The following SHOC1 variants were observed in gnomAD, a reference collection of about 807,000 sequenced individuals.
SHOC1 encodes protein shortage in chiasmata 1 ortholog.
Under a neutral mutation model 179.2 loss-of-function variants are expected in SHOC1, and 136 were observed. That is an observed-to-expected ratio of 0.76 (90% CI 0.66 to 0.87). The LOEUF is 0.87. Ranked by LOEUF, SHOC1 falls within the 40% of genes least tolerant of loss-of-function variation. The pLI is 0.00. For synonymous variants in SHOC1, 489 were observed against 586.6 expected (o/e 0.83, Z 2.41); for missense variants, 1,538 against 1,700.8 (o/e 0.90, Z 1.68).
chr9:111,752,519 A>G (rs897548477), intron 8 of SHOC1, among the ~76,000 whole-genome samples: 3 of 152,216 alleles, frequency 2.0e-5, no homozygotes, highest in Non-Finnish European at 2.9e-5. Context: ...ATCAGGTGCA[A>G]TGTCAGGATA....
At position 111,714,133 on chromosome 9, in the gene SHOC1, G is replaced by A. The variant is rs140749539; in HGVS notation, c.2415+312C>T. Among the ~76,000 whole-genome samples, 446 of 152,222 alleles carry A rather than the reference G, an allele frequency of 2.9e-3. 1 individual carries two copies. Among genetic ancestry groups the A allele is most frequent in the African/African-American group, 0.01 (434 of 41,524 alleles). ...GGGCTCAAGAGATCCTCCCACCTCA[G>A]TCTCCCTAATAGGTAGAACTACAGG... On this transcript the variant is annotated intron_variant, in intron 17 of 27. Transcript: ENST00000682961.
At chr9:111,711,129 A>C (rs1318163396) in intron 18 of SHOC1, among the ~76,000 whole-genome samples, 2 of 152,162 alleles carry the variant, frequency 1.3e-5, no homozygotes, top group East Asian at 3.8e-4. Context: ...TGGTCTTCAA[A>C]GGGAGGTTCA....
rs185137183 is a variant in SHOC1, at chr9:111,698,274, A to T, written c.3183+1680T>A. Among the ~76,000 whole-genome samples the T allele has an allele frequency of 5.6e-4, 86 of 152,332 alleles. 2 individuals carry two copies. In the East Asian group the frequency reaches 0.015, roughly 26 times the overall value. ...ATTCGTGAAGTTGTTGCCCATGCCT[A>T]TGTCCTGAATGGTATTGCCTAGGTT... On this transcript the variant is annotated intron_variant, in intron 24 of 27. Coordinates refer to ENST00000682961, the MANE Select transcript of SHOC1 (RefSeq NM_001378211.1).
chr9:111,767,673 T>C (rs903774700), intron 5 of SHOC1, among the ~76,000 whole-genome samples: 4 of 152,240 alleles, frequency 2.6e-5, no homozygotes, highest in Non-Finnish European at 5.9e-5. Flanking sequence ...ATTTGGGGTC[T>C]TTTGTGATTC....
At chr9:111,753,781 C>A (rs1313854377) in intron 8 of SHOC1, among the ~76,000 whole-genome samples, 1 of 152,042 alleles carries the variant, frequency 6.6e-6, no homozygotes, top group Non-Finnish European at 1.5e-5. Context: ...TAAAAACTCT[C>A]AAAAAATTAG....
chr9:111,769,082 C>T (rs1191378956), intron 5 of SHOC1, among the ~76,000 whole-genome samples: 4 of 152,128 alleles, frequency 2.6e-5, no homozygotes, highest in Non-Finnish European at 5.9e-5. Context: ...GTTGAACCAT[C>T]CTTGCATCCC....
intron 11 of SHOC1, among the ~76,000 whole-genome samples, chr9:111,740,963 C>G (rs1164016965): frequency 1.3e-5 from 2 of 152,170 alleles, no homozygotes; most frequent in Non-Finnish European, 2.9e-5. Context: ...TCTCGGCTCA[C>G]TGCAACCTCC....
At chr9:111,785,106 G>C (rs1429821184) in intron 3 of SHOC1, among the ~76,000 whole-genome samples, 1 of 152,066 alleles carries the variant, frequency 6.6e-6, no homozygotes, top group Non-Finnish European at 1.5e-5. Context: ...CACACATCAA[G>C]TTCGTTCTTG....
At chr9:111,732,650 C>A (rs1833632075) in intron 12 of SHOC1, among the ~76,000 whole-genome samples, 1 of 152,036 alleles carries the variant, frequency 6.6e-6, no homozygotes, top group Non-Finnish European at 1.5e-5. Context: ...AAGGCAGACA[C>A]AAACAAACTT....
chr9:111,719,865 G>A (rs1412022148), intron 15 of SHOC1, among the ~76,000 whole-genome samples: 1 of 152,144 alleles, frequency 6.6e-6, no homozygotes, highest in Non-Finnish European at 1.5e-5. Flanking sequence ...TTGTAAAAGA[G>A]AGTTAACCTT....
rs1305815248 is a variant in SHOC1, at chr9:111,758,126, G to C, written c.666C>G (p.Asn222Lys). The stretch of plus-strand genomic sequence containing the variant: ...TATCTTCTAGTTTCTCTTGACAAAA[G>C]TTCACTTTATCCATACAAAAATCTT... Reference protein sequence around the residue: ...VKEDFCMDKVNFCQEKLEDTI... With the variant: ...VKEDFCMDKVKFCQEKLEDTI... The change falls in exon 7 of 28, where the codon AAC becomes AAG. Residue 222 changes from asparagine to lysine, a missense_variant. By Grantham distance (94) the Asn-to-Lys change is moderately conservative. Transcript: ENST00000682961. 6.3e-7 allele frequency: 1 copy of C among 1,584,106 alleles called. No individual in the cohort carries two copies. The highest frequency in any genetic ancestry group is 1.2e-5 in the South Asian group (1 of 85,252).
chr9:111,700,034 CT>C lies in SHOC1; in HGVS notation c.3102del (p.Glu1035LysfsTer7), dbSNP rs1831893589. 1.3e-6 allele frequency: 2 copies of C among 1,570,268 alleles called. No homozygotes were observed. Among genetic ancestry groups the C allele is most frequent in the African/African-American group, 2.7e-5 (2 of 74,070 alleles). On this transcript the variant is annotated frameshift_variant, in exon 24 of 28. Coordinates refer to ENST00000682961, the MANE Select transcript of SHOC1 (RefSeq NM_001378211.1). LOFTEE classifies it high-confidence loss of function. ...AGTGCTAGGTGATGAAGTGTCTTTTCTGTAAGCAGATACCTACAAAGAATTA... is the reference window on the plus strand; with the variant it reads ...AGTGCTAGGTGATGAAGTGTCTTTTCGTAAGCAGATACCTACAAAGAATTA... ...KETLNSEYLL[T>X]EKTLHHLALI...
chr9:111,762,077 G>A (rs114368298), intron 5 of SHOC1, among the ~76,000 whole-genome samples: 1,774 of 152,160 alleles, frequency 0.012, 38 homozygotes, highest in African/African-American at 0.04. Context: ...AAAAACATTA[G>A]TGGTCTCAAA....
chr9:111,692,124 G>C lies in SHOC1; in HGVS notation c.3853C>G (p.Leu1285Val), dbSNP rs1238412260. Residue 1285 changes from leucine to valine, a missense_variant, in exon 27 of 28, where the codon CTA becomes GTA. Leu to Val is a conservative substitution (Grantham distance 32). Coordinates refer to ENST00000682961, the MANE Select transcript of SHOC1 (RefSeq NM_001378211.1). The stretch of plus-strand genomic sequence containing the variant: ...TCTGACTCTGAATCACTGTGGTTTA[G>C]AAAGGAGTTATAAGCCGGTCTCCTT... ...ESRRPAYNSF[L>V]NHSDSESDVF... 6.2e-6 allele frequency: 10 copies of C among 1,613,760 alleles called. No homozygotes were observed. The highest frequency in any genetic ancestry group is 2.2e-5 in the South Asian group (2 of 91,036).
At chr9:111,792,200 G>A (rs137937355) in intron 1 of SHOC1, among the ~76,000 whole-genome samples, 4 of 152,224 alleles carry the variant, frequency 2.6e-5, no homozygotes, top group Non-Finnish European at 5.9e-5. Context: ...TCATTTACTT[G>A]AGAACTCAAG....
At chr9:111,720,939 C>A (rs1455728658) in intron 15 of SHOC1, among the ~76,000 whole-genome samples, 1 of 152,190 alleles carries the variant, frequency 6.6e-6, no homozygotes, top group African/African-American at 2.4e-5. Context: ...GGATTGTACT[C>A]TCCTGCCTCT....
rs776492715 is a variant in SHOC1, at chr9:111,741,522, C to T, written c.1128G>A (p.Trp376Ter). The stretch of plus-strand genomic sequence containing the variant: ...AAGGGCTTCTACATCTTTCTAATTG[C>T]CACATCATGTAGTATTCATTAGCTG... The part of the protein sequence containing the change: ...EESANEYYMM[W>*]QLERCRSPLN... Residue 376 changes from tryptophan to a stop codon, truncating the protein, a stop_gained, in exon 11 of 28, where the codon TGG becomes TGA. Transcript: ENST00000682961. LOFTEE classifies it high-confidence loss of function. 2.5e-6 allele frequency: 4 copies of T among 1,612,384 alleles called. No individual in the cohort carries two copies. Among genetic ancestry groups the T allele is most frequent in the Admixed American group, 3.3e-5 (2 of 59,910 alleles).
At position 111,728,030 on chromosome 9, in the gene SHOC1, A is replaced by C; in HGVS notation, c.1437T>G (p.Ser479Arg). ...LQLESCLEHK[S>R]HSSPIALIDE... is the part of the protein sequence containing the mutation. ...CAATAAGTGCAATAGGTGAAGAATG[A>C]CTTTTATGTTCTAGACATGCTGAAA... Residue 479 changes from serine to arginine, a missense_variant, in exon 13 of 28, where the codon AGT becomes AGG. Coordinates refer to ENST00000682961, the MANE Select transcript of SHOC1 (RefSeq NM_001378211.1). The C allele has an allele frequency of 6.3e-7, 1 of 1,591,178 alleles. No individual in the cohort carries two copies. The highest frequency in any genetic ancestry group is 8.5e-7 in the Non-Finnish European group (1 of 1,170,786).
At chr9:111,722,885 T>C (rs1456296084) in intron 14 of SHOC1, among the ~76,000 whole-genome samples, 1 of 152,168 alleles carries the variant, frequency 6.6e-6, no homozygotes, top group Admixed American at 6.5e-5. Context: ...CACTGCAACC[T>C]CCGTCTCCCG....
Sources: gnomAD v4.1 joint callset for allele counts (sites outside exome capture counted in the v4.1 genomes callset) on GRCh38, gnomAD v4.1.1 for gene constraint, MANE v1.5 for transcripts, NCBI Gene and HGNC (gene_info 2026-07-23, HGNC 2026-07-21) for gene names.